The following ACOXL variants were observed in gnomAD, a reference collection of about 807,000 sequenced individuals.
ACOXL encodes the protein acyl-coenzyme A oxidase-like protein.
A neutral mutation model predicts 71.9 loss-of-function variants in ACOXL; 70 were observed. That is an observed-to-expected ratio of 0.97 (90% CI 0.80 to 1.19). The LOEUF is 1.19. Ranked by LOEUF, ACOXL falls within the 50% of genes most tolerant of loss-of-function variation. ACOXL has a pLI of 0.00. For missense variants in ACOXL, 703 were observed against 736.3 expected (o/e 0.95, Z 0.52); for synonymous variants, 253 against 281.6 (o/e 0.90, Z 1.02).
At chr2:110,928,539 T>C (rs1201240345) in intron 11 of ACOXL, among the ~76,000 whole-genome samples, 2 of 152,234 alleles carry the variant, frequency 1.3e-5, no homozygotes, top group Non-Finnish European at 1.5e-5. Context: ...ATGATTCTAA[T>C]AGCTTATTGC....
rs1681306836 is a variant in ACOXL, at chr2:110,767,922, AAACACAC to A, written c.-22-444_-22-438del. 5.2e-5 allele frequency among the ~76,000 whole-genome samples: 5 copies of A among 95,256 alleles called. No homozygotes were observed. The Admixed American group carries it at 6.6e-4, about 13-fold the overall frequency. 62.5% of individuals were successfully genotyped at this position (95,256 alleles called of 152,430 possible). A position where few individuals can be genotyped will look rare whatever the true frequency, so the allele number is the denominator to read the frequency against. Reference sequence around the variant, plus strand: ...AATATGGCGAAACCCTGTCTCTACTAAACACACACACACACACACACACACACACACA... The same window carrying A: ...AATATGGCGAAACCCTGTCTCTACTAACACACACACACACACACACACACA... On this transcript the variant is annotated intron_variant, in intron 1 of 17. Transcript: ENST00000439055.
intron 10 of ACOXL, among the ~76,000 whole-genome samples, chr2:110,847,668 C>T (rs755578): frequency 0.19 from 29,625 of 152,194 alleles, 3,087 homozygotes; most frequent in South Asian, 0.34. Context: ...CTAAATCTGG[C>T]ATCCTGTTCA....
intron 17 of ACOXL, among the ~76,000 whole-genome samples, chr2:111,111,591 C>T (rs1231510137): frequency 6.6e-6 from 1 of 152,154 alleles, no homozygotes; most frequent in Non-Finnish European, 1.5e-5. Flanking sequence ...GGTATATGCA[C>T]TTGTCTTCTT....
chr2:111,007,096 C>T (rs1357614388), intron 14 of ACOXL, among the ~76,000 whole-genome samples: 2 of 152,100 alleles, frequency 1.3e-5, no homozygotes, highest in Non-Finnish European at 2.9e-5. Flanking sequence ...TACAGTCACT[C>T]CCATGGGAGT....
chr2:110,787,189 C>G (rs1394655391), intron 3 of ACOXL, among the ~76,000 whole-genome samples: 1 of 151,988 alleles, frequency 6.6e-6, no homozygotes, highest in Non-Finnish European at 1.5e-5. Context: ...CTGAAAACTC[C>G]TGAGTATCCT....
intron 17 of ACOXL, among the ~76,000 whole-genome samples, chr2:111,094,689 A>G (rs1302706526): frequency 4.6e-5 from 7 of 152,230 alleles, no homozygotes; most frequent in South Asian, 4.1e-4. Flanking sequence ...TAAGTTTTCA[A>G]CACATAAACT....
At chr2:111,112,591 G>T (rs1323573658) in intron 17 of ACOXL, among the ~76,000 whole-genome samples, 2 of 152,218 alleles carry the variant, frequency 1.3e-5, no homozygotes, top group Admixed American at 6.5e-5. Flanking sequence ...AGATAAGCCA[G>T]GCCAAGGCCT....
intron 10 of ACOXL, among the ~76,000 whole-genome samples, chr2:110,860,185 A>G (rs935748711): frequency 2.0e-5 from 3 of 152,062 alleles, no homozygotes; most frequent in African/African-American, 7.2e-5. Flanking sequence ...ATCTCAGCTC[A>G]CTGCAACCTC....
chr2:110,785,588 G>A lies in ACOXL; in HGVS notation c.159+773G>A, dbSNP rs565061892. ...CCATCTCTATAGTTTTGTCATTTGG[G>A]GAATGACATAGCAATGGAAGATCAT... On this transcript the variant is annotated intron_variant, in intron 3 of 17. Transcript: ENST00000439055. Among the ~76,000 whole-genome samples, 4 of 152,002 alleles carry A rather than the reference G, an allele frequency of 2.6e-5. No individual in the cohort carries two copies. In the South Asian group the frequency reaches 8.3e-4, roughly 32 times the overall value.
chr2:110,753,375 A>G (rs1419407263), intron 1 of ACOXL, among the ~76,000 whole-genome samples: 1 of 152,174 alleles, frequency 6.6e-6, no homozygotes. Flanking sequence ...AAAGTGGACT[A>G]ATACACTCAT....
rs1328140128 is a variant in ACOXL at position 111,034,866 on chromosome 2, T to A, written c.1369+3152T>A. On this transcript the variant is annotated intron_variant, in intron 15 of 17. Coordinates refer to ENST00000439055, the MANE Select transcript of ACOXL (RefSeq NM_001142807.4). ...AGACCCAGATGTTGCCTTTGGAGCC[T>A]TTTGAAGGAAGAATGCATAGGAAGG... Among the ~76,000 whole-genome samples, 3 of 151,910 alleles carry A rather than the reference T, an allele frequency of 2.0e-5. No homozygotes were observed. The East Asian group carries it at 5.8e-4, about 29-fold the overall frequency.
chr2:110,861,884 G>A (rs1044496028), intron 10 of ACOXL, among the ~76,000 whole-genome samples: 20 of 152,134 alleles, frequency 1.3e-4, no homozygotes, highest in Admixed American at 5.2e-4. Flanking sequence ...GAACGGCTCC[G>A]GGTGACCCCC....
At position 110,798,736 on chromosome 2, in the gene ACOXL, A is replaced by T; in HGVS notation, c.460+12A>T. On this transcript the variant is annotated intron_variant, in intron 6 of 17. Coordinates refer to ENST00000439055, the MANE Select transcript of ACOXL (RefSeq NM_001142807.4). The stretch of plus-strand genomic sequence containing the variant: ...TGGAAGATCTCAAGGTTTGTTACCA[A>T]TACAGACAACTAGAATAATTCTCTT... 1 of 1,605,826 alleles carries T rather than the reference A, an allele frequency of 6.2e-7. No homozygotes were observed.
chr2:110,801,138 T>C (rs1685940633), intron 7 of ACOXL, among the ~76,000 whole-genome samples: 1 of 152,158 alleles, frequency 6.6e-6, no homozygotes, highest in African/African-American at 2.4e-5. Context: ...CCGCACTGCT[T>C]CCCCCACTTC....
chr2:111,104,425 G>C (rs2150060931), intron 17 of ACOXL, among the ~76,000 whole-genome samples: 1 of 152,232 alleles, frequency 6.6e-6, no homozygotes, highest in Middle Eastern at 3.4e-3. Flanking sequence ...CTTTTTTTTA[G>C]AGTGGCTGTA....
chr2:110,834,346 G>A (rs958693850), intron 9 of ACOXL, among the ~76,000 whole-genome samples: 11 of 152,218 alleles, frequency 7.2e-5, no homozygotes, highest in African/African-American at 1.2e-4. Flanking sequence ...GGAAAACACC[G>A]TGTGTGGTTT....
intron 16 of ACOXL, among the ~76,000 whole-genome samples, chr2:111,057,046 G>T (rs986874037): frequency 1.3e-5 from 2 of 152,176 alleles, no homozygotes; most frequent in Non-Finnish European, 2.9e-5. Context: ...GCTAAGTGCC[G>T]AGAGCAAAGG....
At chr2:110,924,981 G>A (rs1180154066) in intron 11 of ACOXL, among the ~76,000 whole-genome samples, 4 of 152,118 alleles carry the variant, frequency 2.6e-5, no homozygotes, top group Non-Finnish European at 1.5e-5. Context: ...GCATGAAAAC[G>A]ACATGTATCT....
intron 11 of ACOXL, among the ~76,000 whole-genome samples, chr2:110,910,034 G>A (rs993586020): frequency 2.0e-5 from 3 of 151,988 alleles, no homozygotes; most frequent in Non-Finnish European, 4.4e-5. Flanking sequence ...AGTTTTTAGT[G>A]GAGTGAGTTT....
Sources: allele counts gnomAD v4.1 joint callset (sites outside exome capture counted in the v4.1 genomes callset), GRCh38; gene constraint gnomAD v4.1.1; transcripts MANE v1.5; gene names NCBI Gene and HGNC (gene_info 2026-07-23, HGNC 2026-07-21).